The following HIVEP1 variants were observed in gnomAD, a reference collection of about 807,000 sequenced individuals.
HIVEP1 encodes the protein zinc finger protein 40.
A neutral mutation model predicts 180.0 loss-of-function variants in HIVEP1; 36 were observed. That is an observed-to-expected ratio of 0.20 (90% CI 0.15 to 0.26). HIVEP1 has a LOEUF of 0.26. Among genes scored for constraint, HIVEP1 ranks in the 10% least tolerant of loss-of-function variants. The pLI is 1.00. For synonymous variants in HIVEP1, 1,239 were observed against 1,239.0 expected (o/e 1.00, Z 0.00); for missense variants, 3,143 against 3,268.7 (o/e 0.96, Z 0.94).
At chr6:12,187,076 A>T in the HIVEP1 span, among the ~76,000 whole-genome samples, 50 of 152,220 alleles carry the variant, frequency 3.3e-4, no homozygotes, top group Non-Finnish European at 5.7e-4. Context: ...CTAAATTTAA[A>T]TACAGAGAAG....
At chr6:12,054,542 A>T (rs78530423) in intron 2 of HIVEP1, among the ~76,000 whole-genome samples, 1 of 152,204 alleles carries the variant, frequency 6.6e-6, no homozygotes, top group Non-Finnish European at 1.5e-5. Flanking sequence ...ATCATACAGT[A>T]TATCTTTTGG....
intron 2 of HIVEP1, among the ~76,000 whole-genome samples, chr6:12,020,008 T>C (rs6925772): frequency 0.79 from 120,800 of 152,192 alleles, 47,958 homozygotes; most frequent in Middle Eastern, 0.94. Context: ...AGACTGCTTT[T>C]ATAAGGAGAT....
At chr6:12,142,545 G>T (rs369287035) in intron 7 of HIVEP1, among the ~76,000 whole-genome samples, 9 of 152,254 alleles carry the variant, frequency 5.9e-5, no homozygotes, top group Admixed American at 2.0e-4. Flanking sequence ...GAGCAGAACT[G>T]AAGGAGATAG....
chr6:12,060,204 C>T (rs1018549231), intron 2 of HIVEP1, among the ~76,000 whole-genome samples: 3 of 152,170 alleles, frequency 2.0e-5, no homozygotes, highest in Non-Finnish European at 4.4e-5. Context: ...ACTTTAAAAT[C>T]TGACATCTAT....
chr6:12,123,588 C>A lies in HIVEP1; in HGVS notation c.3793C>A (p.Arg1265Ser). The change falls in exon 4 of 9, where the codon CGT (arginine) becomes AGT (serine). Residue 1265 changes from arginine to serine, a missense_variant. Arg to Ser is a moderately radical substitution (Grantham distance 110, BLOSUM62 -1). Around this residue, in one of 12 missense-constraint regions of HIVEP1, gnomAD observed 1,357 missense variants for 1,260.5 expected, o/e 1.08. Coordinates refer to ENST00000379388, the MANE Select transcript of HIVEP1 (RefSeq NM_002114.4). Reference protein sequence around the residue: ...EKSEKFSWPQRSETLSKLPTE... With the variant: ...EKSEKFSWPQSSETLSKLPTE... Reference sequence around the variant, plus strand: ...GTCAGAGAAGTTCAGTTGGCCCCAGCGTAGTGAAACCTTGTCAAAATTGCC... The same window carrying A: ...GTCAGAGAAGTTCAGTTGGCCCCAGAGTAGTGAAACCTTGTCAAAATTGCC... The A allele has an allele frequency of 6.2e-7, 1 of 1,613,996 alleles. No individual in the cohort carries two copies. Among genetic ancestry groups the A allele is most frequent in the Non-Finnish European group, 8.5e-7 (1 of 1,180,006 alleles).
chr6:12,173,249 G>A, the HIVEP1 span, among the ~76,000 whole-genome samples: 1 of 152,164 alleles, frequency 6.6e-6, no homozygotes, highest in Non-Finnish European at 1.5e-5. Context: ...TTGGAATACA[G>A]CATAACATAT....
At chr6:12,116,223 A>T (rs988760194) in intron 3 of HIVEP1, among the ~76,000 whole-genome samples, 2 of 152,150 alleles carry the variant, frequency 1.3e-5, no homozygotes, top group Admixed American at 6.5e-5. Flanking sequence ...AATCAAGATG[A>T]GGGTAAGTTT....
chr6:12,195,040 GA>G, the HIVEP1 span, among the ~76,000 whole-genome samples: 1 of 152,194 alleles, frequency 6.6e-6, no homozygotes, highest in Admixed American at 6.5e-5. Context: ...AGAAAAGAGA[GA>G]TGAAATTTCC....
chr6:12,119,804 A>G, intron 3 of HIVEP1, 86 bp from the exon 4 acceptor site: 2 of 833,688 alleles, frequency 2.4e-6, no homozygotes, highest in Non-Finnish European at 1.9e-6. Flanking sequence ...TAATGTCCTT[A>G]TGATAGTAAT....
At chr6:12,175,088 G>C in the HIVEP1 span, among the ~76,000 whole-genome samples, 3 of 152,098 alleles carry the variant, frequency 2.0e-5, no homozygotes, top group Admixed American at 6.6e-5. Flanking sequence ...TAGGGTGTGG[G>C]CAAGAGAGAA....
At chr6:12,026,705 A>C (rs539478433) in intron 2 of HIVEP1, among the ~76,000 whole-genome samples, 48 of 152,318 alleles carry the variant, frequency 3.2e-4, no homozygotes, top group African/African-American at 1.1e-3. Flanking sequence ...ACATTAAAAA[A>C]CAACCTTCAC....
chr6:12,051,328 T>G (rs1246704712), intron 2 of HIVEP1, among the ~76,000 whole-genome samples: 1 of 151,928 alleles, frequency 6.6e-6, no homozygotes, highest in Non-Finnish European at 1.5e-5. Flanking sequence ...TTTGTCACAT[T>G]TTATTTTTGA....
At chr6:12,182,252 T>C in the HIVEP1 span, among the ~76,000 whole-genome samples, 2 of 152,254 alleles carry the variant, frequency 1.3e-5, no homozygotes, top group Admixed American at 1.3e-4. Flanking sequence ...TTATGTGTGA[T>C]ATCAGTACCA....
the HIVEP1 span, among the ~76,000 whole-genome samples, chr6:12,175,431 T>G: frequency 1.3e-5 from 2 of 152,244 alleles, no homozygotes; most frequent in South Asian, 4.1e-4. Flanking sequence ...TAACAAATCC[T>G]AGTGTATAGT....
chr6:12,039,740 C>A (rs1769545666), intron 2 of HIVEP1, among the ~76,000 whole-genome samples: 1 of 152,174 alleles, frequency 6.6e-6, no homozygotes, highest in Non-Finnish European at 1.5e-5. Context: ...TGTCAGGTTG[C>A]TGTCATAACC....
upstream of HIVEP1, among the ~76,000 whole-genome samples, chr6:12,009,336 C>T (rs1218728625): frequency 2.0e-5 from 3 of 152,056 alleles, no homozygotes; most frequent in African/African-American, 7.2e-5. Context: ...AACTGTTCGC[C>T]AAGAAAAACG....
chr6:12,179,693 A>G, the HIVEP1 span, among the ~76,000 whole-genome samples: 12,564 of 152,280 alleles, frequency 0.083, 783 homozygotes, highest in African/African-American at 0.17. Flanking sequence ...ACTTACAAGT[A>G]ACAGTATCAC....
At chr6:12,041,359 T>C (rs895110717) in intron 2 of HIVEP1, among the ~76,000 whole-genome samples, 9 of 148,072 alleles carry the variant, frequency 6.1e-5, no homozygotes, top group Non-Finnish European at 1.5e-5. Flanking sequence ...GAGGCGGAGC[T>C]TGTAGTGAGC....
downstream of HIVEP1, among the ~76,000 whole-genome samples, chr6:12,167,686 A>AATATATACATATATACATATATGTGTATT (rs1760758192): frequency 1.3e-5 from 1 of 78,068 alleles, no homozygotes; most frequent in African/African-American, 7.0e-5. Flanking sequence ...ATATGTGTAT[A>AATATATACATATATACATATATGTGTATT]ATATATATAC....
Sources: gnomAD v4.1 joint callset for allele counts (sites outside exome capture counted in the v4.1 genomes callset) on GRCh38, gnomAD v4.1.1 for gene constraint, gnomAD v4.1.1 regional missense constraint, MANE v1.5 for transcripts, NCBI Gene and HGNC (gene_info 2026-07-23, HGNC 2026-07-21) for gene names.